The following RBFOX1 variants were observed in gnomAD, a reference collection of about 807,000 sequenced individuals.
RBFOX1 encodes RNA binding protein fox-1 homolog 1.
In RBFOX1, 8 loss-of-function variants were observed where a neutral mutation model predicts 57.7. That is an observed-to-expected ratio of 0.14 (90% confidence interval 0.08 to 0.25). RBFOX1 has a LOEUF of 0.25. Among genes scored for constraint, RBFOX1 ranks in the 10% least tolerant of loss-of-function variants. The probability of loss-of-function intolerance (pLI) is 1.00; values close to 1 mark genes in which losing one functional copy is unlikely to be tolerated. For missense variants in RBFOX1, 611 were observed against 548.5 expected, an observed-to-expected ratio of 1.11 and a Z score of -1.14; for synonymous variants, 326 against 222.4, an observed-to-expected ratio of 1.47 and a Z score of -4.15.
chr16:6,812,021 A>G (rs898773448), intron 3 of RBFOX1, among the ~76,000 whole-genome samples: 1 of 152,184 alleles, frequency 6.6e-6, no homozygotes, highest in African/African-American at 2.4e-5. Flanking sequence ...TTCTCCAGAT[A>G]AATAGTGCAG....
chr16:6,121,121 T>C (rs1430843777), intron 1 of RBFOX1, among the ~76,000 whole-genome samples: 3 of 152,206 alleles, frequency 2.0e-5, no homozygotes, highest in Non-Finnish European at 4.4e-5. Flanking sequence ...GTTGGGAGTG[T>C]GCACCTGGTG....
chr16:7,621,954 TTTAC>T (rs1231563526), intron 10 of RBFOX1, among the ~76,000 whole-genome samples: 1 of 152,208 alleles, frequency 6.6e-6, no homozygotes, highest in Non-Finnish European at 1.5e-5. Context: ...CCAATGAAAC[TTTAC>T]TTATTAGATA....
At chr16:5,676,888 C>A (rs1051865744) in intron 3 of RBFOX1, among the ~76,000 whole-genome samples, 1 of 152,096 alleles carries the variant, frequency 6.6e-6, no homozygotes, top group Non-Finnish European at 1.5e-5. Flanking sequence ...CAGAACAGTG[C>A]CTGGGCACAT....
At chr16:5,978,450 G>A (rs2880608) in intron 4 of RBFOX1, among the ~76,000 whole-genome samples, 93,385 of 152,122 alleles carry the variant, frequency 0.61, 29,718 homozygotes, top group East Asian at 0.87. Context: ...GACTGATAAC[G>A]TCATCCATCA....
At chr16:7,507,799 G>A (rs1371956258) in intron 4 of RBFOX1, among the ~76,000 whole-genome samples, 3 of 151,910 alleles carry the variant, frequency 2.0e-5, no homozygotes, top group African/African-American at 4.8e-5. Context: ...TCCTGACGTC[G>A]TGATCCGCCC....
At chr16:6,613,214 C>A (rs914085179) in intron 2 of RBFOX1, among the ~76,000 whole-genome samples, 1 of 152,068 alleles carries the variant, frequency 6.6e-6, no homozygotes, top group African/African-American at 2.4e-5. Flanking sequence ...AAGCAGCTCC[C>A]CCACTGTGCA....
At chr16:7,710,197 TGAGA>T in intron 15 of RBFOX1, 1 of 1,028,670 alleles carries the variant, frequency 9.7e-7, no homozygotes, top group Non-Finnish European at 1.2e-6. Context: ...AGAAGTAGGT[TGAGA>T]TTTTCATCCC....
intron 3 of RBFOX1, among the ~76,000 whole-genome samples, chr16:6,734,139 G>A (rs1282845742): frequency 6.6e-6 from 1 of 152,116 alleles, no homozygotes; most frequent in African/African-American, 2.4e-5. Flanking sequence ...AATTATACAG[G>A]GTTCAACAGG....
chr16:6,132,054 A>G (rs952133266), intron 1 of RBFOX1, among the ~76,000 whole-genome samples: 3 of 152,240 alleles, frequency 2.0e-5, no homozygotes, highest in Admixed American at 2.0e-4. Context: ...TTTGCCAAAT[A>G]GAAGCTTAAC....
chr16:5,956,751 C>T (rs967670855), intron 4 of RBFOX1, among the ~76,000 whole-genome samples: 2 of 147,330 alleles, frequency 1.4e-5, no homozygotes, highest in African/African-American at 5.0e-5. Flanking sequence ...TCACTGCAGC[C>T]TAGACCTCCT....
intron 3 of RBFOX1, among the ~76,000 whole-genome samples, chr16:6,946,032 A>G (rs185824395): frequency 2.0e-4 from 30 of 152,320 alleles, no homozygotes; most frequent in African/African-American, 7.0e-4. Flanking sequence ...GCCTACACAG[A>G]TGCTTCACTG....
At chr16:6,001,995 C>A (rs1311270106) in intron 4 of RBFOX1, among the ~76,000 whole-genome samples, 1 of 139,346 alleles carries the variant, frequency 7.2e-6, no homozygotes, top group Non-Finnish European at 1.5e-5. Context: ...GAGACTGGGT[C>A]TTGCTCTGTC....
chr16:7,413,362 C>T (rs772202139), intron 4 of RBFOX1, among the ~76,000 whole-genome samples: 1 of 152,040 alleles, frequency 6.6e-6, no homozygotes, highest in African/African-American at 2.4e-5. Flanking sequence ...ATGGGTCCCA[C>T]ACATCCCTGA....
At chr16:6,270,298 T>C (rs1240182621) in intron 1 of RBFOX1, among the ~76,000 whole-genome samples, 1 of 152,068 alleles carries the variant, frequency 6.6e-6, no homozygotes, top group African/African-American at 2.4e-5. Context: ...TAGAGTGGAT[T>C]AAAGTATACA....
chr16:6,714,847 T>C (rs1212615374), intron 3 of RBFOX1, among the ~76,000 whole-genome samples: 2 of 152,038 alleles, frequency 1.3e-5, no homozygotes, highest in Non-Finnish European at 2.9e-5. Context: ...GAGGCTGCGT[T>C]TGAGGTTCTG....
rs558962609 is a variant in RBFOX1, at chr16:7,341,866, C to T, written c.28-176281C>T. Among the ~76,000 whole-genome samples the T allele has an allele frequency of 2.4e-4, 37 of 151,050 alleles. 1 individual carries two copies. In the South Asian group the frequency reaches 6.1e-3, roughly 25 times the overall value. On this transcript the variant is annotated intron_variant, in intron 4 of 15. Coordinates refer to ENST00000550418, the MANE Select transcript of RBFOX1 (RefSeq NM_018723.4). ...AAGATGACAGCAGGAGCTCCTGCCC[C>T]CGGCCCCCTTCCCACCTTGCATCCA...
At chr16:6,380,213 T>A (rs986691735) in intron 2 of RBFOX1, among the ~76,000 whole-genome samples, 1 of 151,962 alleles carries the variant, frequency 6.6e-6, no homozygotes, top group Admixed American at 6.6e-5. Flanking sequence ...TTCAGATGAC[T>A]TTTATTGGGT....
intron 1 of RBFOX1, among the ~76,000 whole-genome samples, chr16:5,277,416 A>G (rs1182700868): frequency 1.3e-5 from 2 of 152,102 alleles, no homozygotes; most frequent in Non-Finnish European, 2.9e-5. Context: ...TCCATGTAAC[A>G]AAATACCACC....
At chr16:7,250,088 G>T (rs2094451889) in intron 4 of RBFOX1, among the ~76,000 whole-genome samples, 1 of 152,018 alleles carries the variant, frequency 6.6e-6, no homozygotes, top group African/African-American at 2.4e-5. Flanking sequence ...ATAGGGTTTT[G>T]AACCAGTTGT....
Sources: allele counts gnomAD v4.1 joint callset (sites outside exome capture counted in the v4.1 genomes callset), GRCh38; gene constraint gnomAD v4.1.1; transcripts MANE v1.5; gene names NCBI Gene and HGNC (gene_info 2026-07-23, HGNC 2026-07-21).